The following EML6 variants were observed in gnomAD, a reference collection of about 807,000 sequenced individuals.
EML6 encodes the protein echinoderm microtubule-associated protein-like 6.
In EML6, 154 loss-of-function variants were observed where a neutral mutation model predicts 240.1. The observed-to-expected ratio is 0.64, with a 90% CI of 0.56 to 0.73. EML6 has a LOEUF of 0.73. Among genes scored for constraint, EML6 ranks in the 30% least tolerant of loss-of-function variants. The pLI is 0.00. For missense variants in EML6, 2,964 were observed against 2,474.6 expected, an observed-to-expected ratio of 1.20 and a Z score of -4.20; for synonymous variants, 1,148 against 899.0, an observed-to-expected ratio of 1.28 and a Z score of -4.95.
chr2:54,774,316 G>C lies in EML6; in HGVS notation c.198-38916G>C, dbSNP rs1246826727. Among the ~76,000 whole-genome samples the C allele has an allele frequency of 1.3e-5, 2 of 152,172 alleles. No individual in the cohort carries two copies. Among genetic ancestry groups the C allele is most frequent in the Non-Finnish European group, 2.9e-5 (2 of 68,034 alleles). ...AGAGAGAAGTCAGGATACTATGCAG[G>C]CTCCACAGGATGGTCAGGCCTTTAT... On this transcript the variant is annotated intron_variant, in intron 2 of 41. Coordinates refer to ENST00000356458, the MANE Select transcript of EML6 (RefSeq NM_001039753.4). This position sits in a 1 kb window ranked among gnomAD's most constrained non-coding sequence, Gnocchi z 4.1.
intron 26 of EML6, among the ~76,000 whole-genome samples, chr2:54,926,973 G>A (rs1476753277): frequency 6.6e-6 from 1 of 152,178 alleles, no homozygotes; most frequent in South Asian, 2.1e-4. Context: ...TGCATTTGTA[G>A]TGTATAAACT....
intron 28 of EML6, among the ~76,000 whole-genome samples, chr2:54,944,946 A>G (rs925269047): frequency 6.6e-6 from 1 of 150,476 alleles, no homozygotes; most frequent in African/African-American, 2.5e-5. Flanking sequence ...ATCCTAGAGC[A>G]GTGGTTGCTA....
chr2:54,788,764 A>T (rs925275968), intron 2 of EML6, among the ~76,000 whole-genome samples: 1 of 152,224 alleles, frequency 6.6e-6, no homozygotes, highest in Admixed American at 6.5e-5. Context: ...AATAGGGCCA[A>T]ACTCTTCAGA....
intron 26 of EML6, among the ~76,000 whole-genome samples, chr2:54,919,731 C>T (rs13011849): frequency 0.44 from 66,768 of 151,938 alleles, 14,958 homozygotes; most frequent in East Asian, 0.66. Context: ...ACTAAATCCC[C>T]CACAGTACTA....
At chr2:54,819,804 T>A (rs1668249269) in intron 4 of EML6, among the ~76,000 whole-genome samples, 1 of 150,872 alleles carries the variant, frequency 6.6e-6, no homozygotes, top group Admixed American at 6.6e-5. Context: ...AAATAGTAGT[T>A]GCAGATATAT....
chr2:54,864,159 C>CT (rs1041514215), intron 13 of EML6, among the ~76,000 whole-genome samples: 1 of 152,154 alleles, frequency 6.6e-6, no homozygotes, highest in East Asian at 1.9e-4. Flanking sequence ...GCACCTAAAA[C>CT]TTTAAAATAT....
chr2:54,791,719 A>C (rs1047363861), intron 2 of EML6, among the ~76,000 whole-genome samples: 11 of 147,824 alleles, frequency 7.4e-5, no homozygotes, highest in African/African-American at 2.1e-4. Context: ...GAAGATTGAC[A>C]AAAAAAAATG....
intron 2 of EML6, among the ~76,000 whole-genome samples, chr2:54,776,140 T>C (rs1668589591): frequency 6.6e-6 from 1 of 152,152 alleles, no homozygotes; most frequent in African/African-American, 2.4e-5. Flanking sequence ...GTTGTTGTTG[T>C]GTTTTGTTTT....
intron 2 of EML6, among the ~76,000 whole-genome samples, chr2:54,775,289 C>G (rs767785293): frequency 3.0e-4 from 46 of 152,244 alleles, no homozygotes; most frequent in Non-Finnish European, 1.8e-4. Flanking sequence ...TGGCCCCTAG[C>G]CACTTCTCTG....
chr2:54,765,179 A>G (rs1668132917), intron 2 of EML6, among the ~76,000 whole-genome samples: 1 of 152,170 alleles, frequency 6.6e-6, no homozygotes, highest in Admixed American at 6.5e-5. Context: ...TATTTATTAT[A>G]TTCAGCCTCT....
intron 11 of EML6, among the ~76,000 whole-genome samples, chr2:54,856,871 G>C (rs2103802548): frequency 6.6e-6 from 1 of 152,334 alleles, no homozygotes; most frequent in East Asian, 1.9e-4. Flanking sequence ...GTTTCAAGTA[G>C]AGAAGTTATT....
chr2:54,920,344 G>T (rs1573144301), intron 26 of EML6, among the ~76,000 whole-genome samples: 1 of 152,120 alleles, frequency 6.6e-6, no homozygotes, highest in Non-Finnish European at 1.5e-5. Flanking sequence ...AACTGATACT[G>T]TAGAAATACA....
At chr2:54,869,125 C>T in intron 14 of EML6, 56 bp from the exon 15 acceptor site, 1 of 1,225,902 alleles carries the variant, frequency 8.2e-7, no homozygotes, top group Non-Finnish European at 1.2e-6. Flanking sequence ...ACACCTCCTG[C>T]TCCATGCATT....
In EML6 at chr2:54,876,095, C is replaced by T. The variant is rs556303333; in HGVS notation, c.2345-3452C>T. On this transcript the variant is annotated intron_variant, in intron 16 of 41. Transcript: ENST00000356458. ...TATTTCTGGACTATGTCACAGACAT[C>T]CATAATTAATGCATGCTGTGACTGC... is the stretch of plus-strand genomic sequence containing the variant. Among the ~76,000 whole-genome samples, 8 of 152,244 alleles carry T rather than the reference C, an allele frequency of 5.3e-5. 1 individual carries two copies. The highest frequency in any genetic ancestry group is 1.9e-4 in the African/African-American group (8 of 41,542).
At chr2:54,735,382 G>A (rs763831873) in intron 2 of EML6, among the ~76,000 whole-genome samples, 8 of 152,224 alleles carry the variant, frequency 5.3e-5, no homozygotes, top group Non-Finnish European at 1.2e-4. Context: ...AAGGAGCAAG[G>A]TGTGGAATAG....
chr2:54,964,328 T>C (rs1676655825), intron 37 of EML6, among the ~76,000 whole-genome samples, 170 bp downstream of exon 37: 1 of 152,252 alleles, frequency 6.6e-6, no homozygotes, highest in Non-Finnish European at 1.5e-5. Flanking sequence ...GACAAGTCTT[T>C]GCTAATTTCC....
chr2:54,829,935 G>A (rs1668784625), intron 7 of EML6, among the ~76,000 whole-genome samples: 1 of 152,212 alleles, frequency 6.6e-6, no homozygotes, highest in Admixed American at 6.5e-5. Context: ...TTACCTATGA[G>A]AGAGTTAAGA....
intron 2 of EML6, among the ~76,000 whole-genome samples, chr2:54,793,990 C>T (rs1218525706): frequency 6.6e-6 from 1 of 152,234 alleles, no homozygotes; most frequent in Non-Finnish European, 1.5e-5. Flanking sequence ...GCTCTTCGGT[C>T]AATTCCCTTG....
At chr2:54,862,892 A>G (rs1030648533) in intron 12 of EML6, among the ~76,000 whole-genome samples, 1 of 152,196 alleles carries the variant, frequency 6.6e-6, no homozygotes, top group Non-Finnish European at 1.5e-5. Context: ...GATACATTTC[A>G]GCTTCCTTAG....
Sources: gnomAD v4.1 joint callset for allele counts (sites outside exome capture counted in the v4.1 genomes callset) on GRCh38, gnomAD v4.1.1 for gene constraint, Gnocchi (gnomAD v3.1) non-coding constraint, MANE v1.5 for transcripts, NCBI Gene and HGNC (gene_info 2026-07-23, HGNC 2026-07-21) for gene names.